The following FOXN3 variants were observed in gnomAD, a reference collection of about 807,000 sequenced individuals.
FOXN3 encodes forkhead box N3, also known as forkhead box protein N3.
Under a neutral mutation model 38.4 loss-of-function variants are expected in FOXN3, and 7 were observed. The observed-to-expected ratio is 0.18, with a 90% CI of 0.10 to 0.34. The LOEUF is 0.34. FOXN3 is among the 10% of genes least tolerant of loss of function. The pLI is 1.00. For missense variants in FOXN3, 456 were observed against 613.4 expected (o/e 0.74, Z 2.71); for synonymous variants, 230 against 242.2 (o/e 0.95, Z 0.47).
chr14:89,182,754 C>G (rs1887705829), intron 4 of FOXN3, among the ~76,000 whole-genome samples: 1 of 152,112 alleles, frequency 6.6e-6, no homozygotes, highest in South Asian at 2.1e-4. Context: ...AACCAGGACA[C>G]TCTCATACTG....
intron 1 of FOXN3, among the ~76,000 whole-genome samples, chr14:89,509,842 A>G (rs942581989): frequency 2.0e-5 from 3 of 152,278 alleles, no homozygotes; most frequent in African/African-American, 7.2e-5. Flanking sequence ...TGCTATAAAT[A>G]GTTTTAATCT....
chr14:89,336,344 T>C (rs1888461643), intron 3 of FOXN3, among the ~76,000 whole-genome samples: 1 of 152,158 alleles, frequency 6.6e-6, no homozygotes, highest in Non-Finnish European at 1.5e-5. Context: ...TTCCTCACCA[T>C]TGCCAGTTTC....
At chr14:89,166,858 G>A (rs1887255573) in intron 5 of FOXN3, among the ~76,000 whole-genome samples, 1 of 152,222 alleles carries the variant, frequency 6.6e-6, no homozygotes, top group Admixed American at 6.5e-5. Flanking sequence ...CAGCTGCACT[G>A]ACTTGGTGTC....
At chr14:89,585,514 A>G (rs929663062) in intron 1 of FOXN3, among the ~76,000 whole-genome samples, 31 of 152,212 alleles carry the variant, frequency 2.0e-4, no homozygotes, top group African/African-American at 7.2e-4. Context: ...TTCATTAAAC[A>G]AATATTCCCT....
intron 4 of FOXN3, among the ~76,000 whole-genome samples, chr14:89,271,223 G>A (rs1022395463): frequency 8.5e-5 from 13 of 152,178 alleles, no homozygotes; most frequent in Admixed American, 7.9e-4. Context: ...CAAACAGCTC[G>A]CTCAGAATAT....
chr14:89,227,084 G>A (rs1204252228), intron 4 of FOXN3, among the ~76,000 whole-genome samples: 1 of 152,168 alleles, frequency 6.6e-6, no homozygotes, highest in African/African-American at 2.4e-5. Flanking sequence ...AGCAATTTCA[G>A]GAATAGCCTA....
chr14:89,221,260 C>T (rs1418265769), intron 4 of FOXN3, among the ~76,000 whole-genome samples: 2 of 152,186 alleles, frequency 1.3e-5, no homozygotes, highest in African/African-American at 4.8e-5. Flanking sequence ...GCTAGCATTT[C>T]CTCCTTTCTC....
chr14:89,448,431 A>G (rs1218421628), intron 1 of FOXN3, among the ~76,000 whole-genome samples: 2 of 151,896 alleles, frequency 1.3e-5, no homozygotes, highest in Non-Finnish European at 2.9e-5. Context: ...AGGCTCGAAC[A>G]CCCACATGCA....
intron 2 of FOXN3, among the ~76,000 whole-genome samples, chr14:89,380,572 G>A (rs756442265): frequency 1.9e-4 from 29 of 152,246 alleles, no homozygotes; most frequent in African/African-American, 2.9e-4. Flanking sequence ...CACCGTGCCC[G>A]TCTGTGCGCC....
At position 89,288,681 on chromosome 14, in the gene FOXN3, T is replaced by C. The variant is rs868055800; in HGVS notation, c.681-7667A>G. Among the ~76,000 whole-genome samples the C allele has an allele frequency of 2.9e-4, 20 of 69,736 alleles. No homozygotes were observed. The Admixed American group carries it at 3.2e-3, about 11-fold the overall frequency. 45.7% of individuals were successfully genotyped at this position (69,736 alleles called of 152,430 possible). ...AATAGGCACTCTCTTTCTCTCTCTC[T>C]CTCTCTCTCTCTCTCTCTCTCTCTC... On this transcript the variant is annotated intron_variant, in intron 3 of 5. Transcript: ENST00000557258.
At chr14:89,239,758 C>T (rs145589420) in intron 4 of FOXN3, among the ~76,000 whole-genome samples, 422 of 152,236 alleles carry the variant, frequency 2.8e-3, no homozygotes, top group African/African-American at 9.8e-3. Context: ...TAGAAGCTAC[C>T]AATTATTGAA....
intron 4 of FOXN3, among the ~76,000 whole-genome samples, chr14:89,239,443 C>T (rs1468355812): frequency 6.6e-6 from 1 of 152,178 alleles, no homozygotes; most frequent in Non-Finnish European, 1.5e-5. Flanking sequence ...GTCACTCTCC[C>T]TTTTCAAGGC....
intron 4 of FOXN3, among the ~76,000 whole-genome samples, chr14:89,242,793 A>T (rs1885178663): frequency 6.6e-6 from 1 of 152,230 alleles, no homozygotes; most frequent in African/African-American, 2.4e-5. Context: ...ACAGAGTTCT[A>T]CATTTTCCTA....
intron 1 of FOXN3, among the ~76,000 whole-genome samples, chr14:89,599,284 C>T (rs1410428844): frequency 6.6e-6 from 1 of 152,132 alleles, no homozygotes; most frequent in Non-Finnish European, 1.5e-5. Flanking sequence ...TGGTTTTAGT[C>T]ATTAATTCAT....
intron 2 of FOXN3, among the ~76,000 whole-genome samples, chr14:89,404,340 C>T (rs1390539347): frequency 6.6e-6 from 1 of 151,714 alleles, no homozygotes; most frequent in Admixed American, 6.6e-5. Flanking sequence ...CCTGTCTCCA[C>T]TAAAAATACA....
At chr14:89,373,903 G>A (rs549565078) in intron 2 of FOXN3, among the ~76,000 whole-genome samples, 2 of 152,234 alleles carry the variant, frequency 1.3e-5, no homozygotes, top group East Asian at 3.9e-4. Flanking sequence ...TGGCAAAAAT[G>A]AGAACACTGA....
intron 1 of FOXN3, among the ~76,000 whole-genome samples, chr14:89,580,029 T>C (rs1376145644): frequency 6.6e-6 from 1 of 152,132 alleles, no homozygotes; most frequent in Non-Finnish European, 1.5e-5. Flanking sequence ...CAGGGTTCAG[T>C]GCAAAGTTAT....
chr14:89,593,102 A>T, intron 1 of FOXN3, among the ~76,000 whole-genome samples: 1 of 132,610 alleles, frequency 7.5e-6, no homozygotes, highest in Non-Finnish European at 1.6e-5. Context: ...GAGGAAGGAA[A>T]GAAAGGAGAG....
intron 1 of FOXN3, among the ~76,000 whole-genome samples, chr14:89,434,240 T>A (rs1282376342): frequency 6.7e-6 from 1 of 148,492 alleles, no homozygotes; most frequent in Non-Finnish European, 1.5e-5. Flanking sequence ...TTTTTTTTTT[T>A]AAGATGGAGT....
Sources: allele counts gnomAD v4.1 joint callset (sites outside exome capture counted in the v4.1 genomes callset), GRCh38; gene constraint gnomAD v4.1.1; transcripts MANE v1.5; gene names NCBI Gene and HGNC (gene_info 2026-07-23, HGNC 2026-07-21).